Variants in ZNF573 observed in about 807,000 individuals in gnomAD.
The protein encoded by ZNF573 is zinc finger protein 573.
ZNF573 carries 41 observed loss-of-function variants against 57.4 expected under a neutral mutation model. The observed-to-expected ratio is 0.71, with a 90% CI of 0.56 to 0.93. The LOEUF (loss-of-function observed/expected upper bound fraction) is 0.93, where lower values mean the gene tolerates loss of function less well. Ranked by LOEUF, ZNF573 falls within the 40% of genes least tolerant of loss-of-function variation. The probability of loss-of-function intolerance (pLI) is 0.00; values close to 1 mark genes in which losing one functional copy is unlikely to be tolerated. For missense variants in ZNF573, 730 were observed against 794.8 expected (o/e 0.92, Z 0.98); for synonymous variants, 249 against 261.0 (o/e 0.95, Z 0.44).
chr19:37,757,346 G>A (rs908057283), intron 4 of ZNF573, among the ~76,000 whole-genome samples: 3 of 151,972 alleles, frequency 2.0e-5, no homozygotes, highest in Admixed American at 6.6e-5. Context: ...ACAGGCGCCC[G>A]CCACCGCGCC....
Position 37,739,013 on chromosome 19 carries a change from T to C in ZNF573, c.1477A>G (p.Thr493Ala), listed in dbSNP as rs1236049547. ...TTACATTTATAGGGTTTCTCACCAGTATGAGTTTTCCGATGTTGAATAAGG... is the reference window on the plus strand; with the variant it reads ...TTACATTTATAGGGTTTCTCACCAGCATGAGTTTTCCGATGTTGAATAAGG... ...SNLIQHRKTH[T>A]GEKPYKCKEC... Residue 493 changes from threonine (T) to alanine (A), a missense_variant, in exon 5 of 5, where the codon ACT becomes GCT. Transcript: ENST00000536220. The C allele has an allele frequency of 5.6e-6, 9 of 1,613,552 alleles. No homozygotes were observed. The highest frequency in any genetic ancestry group is 7.6e-6 in the Non-Finnish European group (9 of 1,179,832).
At chr19:37,778,079 AAT>A (rs1432038791) in intron 1 of ZNF573, among the ~76,000 whole-genome samples, 3 of 151,424 alleles carry the variant, frequency 2.0e-5, no homozygotes, top group Non-Finnish European at 4.4e-5. Flanking sequence ...TGAAGTAACT[AAT>A]ACAAATTCTG....
At position 37,740,137 on chromosome 19, in the gene ZNF573, T is replaced by A; in HGVS notation, c.353A>T (p.Asp118Val). 6.2e-7 allele frequency: 1 copy of A among 1,610,626 alleles called. No individual in the cohort carries two copies. The highest frequency in any genetic ancestry group is 1.3e-5 in the African/African-American group (1 of 74,934). Residue 118 changes from aspartate to valine, a missense_variant, in exon 5 of 5, where the codon GAT becomes GTT. Asp to Val is a radical substitution (Grantham distance 152, BLOSUM62 -3). Transcript: ENST00000536220. ...SYIEVPTYET[D>V]ISSTQLQSIY... Reference sequence around the variant, plus strand: ...GCTCTGAAGTTGTGTAGAGGATATATCTGTTTCATAAGTGGGTACTTCTAT... The same window carrying A: ...GCTCTGAAGTTGTGTAGAGGATATAACTGTTTCATAAGTGGGTACTTCTAT...
chr19:37,747,711 C>CT (rs984091190), intron 4 of ZNF573, among the ~76,000 whole-genome samples: 41 of 146,938 alleles, frequency 2.8e-4, no homozygotes, highest in Middle Eastern at 3.5e-3. Context: ...TACAGTCTTT[C>CT]TTTTTTTTTT....
chr19:37,745,844 A>C (rs2045377396), intron 4 of ZNF573, among the ~76,000 whole-genome samples: 1 of 152,246 alleles, frequency 6.6e-6, no homozygotes, highest in Non-Finnish European at 1.5e-5. Context: ...TGAAATAAAG[A>C]AAGCAAATTA....
chr19:37,750,583 T>G (rs999889320), intron 4 of ZNF573, among the ~76,000 whole-genome samples: 1 of 152,118 alleles, frequency 6.6e-6, no homozygotes, highest in Non-Finnish European at 1.5e-5. Context: ...AAAAAAATCG[T>G]ATGAATTTTG....
chr19:37,760,936 G>A (rs539027875), intron 4 of ZNF573, among the ~76,000 whole-genome samples: 21 of 152,236 alleles, frequency 1.4e-4, no homozygotes, highest in African/African-American at 5.1e-4. Context: ...AGTGGCTCAC[G>A]CCTGTAATCC....
intron 4 of ZNF573, among the ~76,000 whole-genome samples, chr19:37,744,845 G>C (rs1046346714): frequency 6.6e-6 from 1 of 151,476 alleles, no homozygotes; most frequent in African/African-American, 2.4e-5. Flanking sequence ...GCAGTGGTGC[G>C]ATCTCGGCTC....
At chr19:37,775,624 A>C (rs1342396156) in intron 1 of ZNF573, among the ~76,000 whole-genome samples, 1 of 152,148 alleles carries the variant, frequency 6.6e-6, no homozygotes, top group Non-Finnish European at 1.5e-5. Flanking sequence ...AGGCATCCAA[A>C]TTGATTAAGA....
intron 4 of ZNF573, among the ~76,000 whole-genome samples, chr19:37,768,856 C>CTCAAATAGAATAGAAT (rs771763127): frequency 1.3e-4 from 20 of 149,810 alleles, no homozygotes; most frequent in East Asian, 2.0e-4. Flanking sequence ...TTAGTAGAGA[C>CTCAAATAGAATAGAAT]GGGGTTTCAC....
intron 1 of ZNF573, among the ~76,000 whole-genome samples, chr19:37,775,452 C>T (rs2045699050): frequency 6.6e-6 from 1 of 152,168 alleles, no homozygotes; most frequent in African/African-American, 2.4e-5. Context: ...AATGCCACGT[C>T]CACATGAATT....
chr19:37,739,307 A>T lies in ZNF573; in HGVS notation c.1183T>A (p.Tyr395Asn). Residue 395 changes from tyrosine (Y) to asparagine (N), a missense_variant, in exon 5 of 5, where the codon TAT becomes AAT. Tyr to Asn is a moderately radical substitution (Grantham distance 143). Coordinates refer to ENST00000536220, the MANE Select transcript of ZNF573 (RefSeq NM_001172690.2). ...TGAAAGAGTTTTGAACCAGTAGTATAGGTCTTCCCACATTGCTTGCATTCA... is the reference window on the plus strand; with the variant it reads ...TGAAAGAGTTTTGAACCAGTAGTATTGGTCTTCCCACATTGCTTGCATTCA... ...LFECKQCGKTYTTGSKLFQHQ... is the reference protein window; with the variant it reads ...LFECKQCGKTNTTGSKLFQHQ... The T allele has an allele frequency of 2.5e-6, 4 of 1,614,090 alleles. No individual in the cohort carries two copies. Among genetic ancestry groups the T allele is most frequent in the Non-Finnish European group, 3.4e-6 (4 of 1,180,010 alleles).
intron 4 of ZNF573, among the ~76,000 whole-genome samples, chr19:37,756,264 T>A (rs1334509517): frequency 6.6e-6 from 1 of 152,236 alleles, no homozygotes; most frequent in African/African-American, 2.4e-5. Context: ...TAAAGAACTT[T>A]ACTGTTGAAG....
At chr19:37,770,119 C>T (rs907646105) in intron 3 of ZNF573, 22 bp from the exon 4 acceptor site, 5 of 1,511,404 alleles carry the variant, frequency 3.3e-6, no homozygotes, top group Non-Finnish European at 4.5e-6. Flanking sequence ...AGAAATGCCA[C>T]ATGGTATAAA....
chr19:37,777,294 G>A (rs1156353648), intron 1 of ZNF573, among the ~76,000 whole-genome samples: 1 of 152,132 alleles, frequency 6.6e-6, no homozygotes, highest in Non-Finnish European at 1.5e-5. Flanking sequence ...GATTACAGGT[G>A]TGAGCCACTG....
chr19:37,769,166 T>C (rs1255779775), intron 4 of ZNF573, among the ~76,000 whole-genome samples: 1 of 149,838 alleles, frequency 6.7e-6, no homozygotes, highest in Non-Finnish European at 1.5e-5. Context: ...GGTTTCACCA[T>C]TCAAGACCGG....
rs1392221650 is a variant in ZNF573 at position 37,770,114 on chromosome 19, T to C, written c.203-17A>G. ...AATGTCCTCCTTATAAGAAAAGAAA[T>C]GCCACATGGTATAAAAATAAAAACA... On this transcript the variant is annotated splice_polypyrimidine_tract_variant and intron_variant, in intron 3 of 4. Coordinates refer to ENST00000536220, the MANE Select transcript of ZNF573 (RefSeq NM_001172690.2). 2.6e-6 allele frequency: 4 copies of C among 1,517,260 alleles called. No homozygotes were observed. The African/African-American group carries it at 5.6e-5, about 21-fold the overall frequency. 94.0% of individuals were successfully genotyped at this position (1,517,260 alleles called of 1,614,324 possible).
chr19:37,766,189 C>A (rs1196387956), intron 4 of ZNF573, among the ~76,000 whole-genome samples: 2 of 151,996 alleles, frequency 1.3e-5, no homozygotes, highest in Non-Finnish European at 1.5e-5. Context: ...AGAATATGAC[C>A]ATTTTGGAAT....
intron 3 of ZNF573, among the ~76,000 whole-genome samples, chr19:37,770,777 T>G (rs989902716): frequency 1.5e-5 from 2 of 137,620 alleles, no homozygotes; most frequent in African/African-American, 5.7e-5. Flanking sequence ...AATAAATAAA[T>G]AAATAAGATA....
Sources: allele counts gnomAD v4.1 joint callset (sites outside exome capture counted in the v4.1 genomes callset), GRCh38; gene constraint gnomAD v4.1.1; transcripts MANE v1.5; gene names NCBI Gene and HGNC (gene_info 2026-07-23, HGNC 2026-07-21).